Variants in DOCK7 observed in about 807,000 individuals in gnomAD.
The protein encoded by DOCK7 is dedicator of cytokinesis 7, also known as dedicator of cytokinesis protein 7.
In DOCK7, 138 loss-of-function variants were observed where a neutral mutation model predicts 271.0. That is an observed-to-expected ratio of 0.51 (90% CI 0.44 to 0.59). DOCK7 has a LOEUF of 0.59. DOCK7 is among the 20% of genes least tolerant of loss of function. DOCK7 has a pLI of 0.00. For synonymous variants in DOCK7, 823 were observed against 876.1 expected (o/e 0.94, Z 1.07); for missense variants, 2,066 against 2,592.4 (o/e 0.80, Z 4.41).
chr1:62,523,355 C>T (rs574526887), intron 31 of DOCK7, among the ~76,000 whole-genome samples: 1 of 151,928 alleles, frequency 6.6e-6, no homozygotes, highest in Admixed American at 6.5e-5. Flanking sequence ...GCATAATATG[C>T]AATATAAATA....
intron 2 of DOCK7, among the ~76,000 whole-genome samples, chr1:62,656,175 T>C (rs1227782622): frequency 6.6e-6 from 1 of 152,172 alleles, no homozygotes; most frequent in Non-Finnish European, 1.5e-5. Flanking sequence ...TATCACAACA[T>C]ATACAAAAAT....
At chr1:62,636,673 C>T in intron 7 of DOCK7, 70 bp from the exon 8 acceptor site, 3 of 1,300,042 alleles carry the variant, frequency 2.3e-6, no homozygotes, top group Admixed American at 2.3e-5. Context: ...GAAATTGATT[C>T]CAAAACTAAA....
intron 30 of DOCK7, among the ~76,000 whole-genome samples, chr1:62,529,029 T>C (rs1645096978): frequency 6.6e-6 from 1 of 152,190 alleles, no homozygotes; most frequent in Admixed American, 6.6e-5. Context: ...TTTCCTAAAA[T>C]GTAGGTACAG....
rs1653944784 is a variant in DOCK7, at chr1:62,626,283, C to G, written c.1283-882G>C. 2.6e-5 allele frequency among the ~76,000 whole-genome samples: 4 copies of G among 151,950 alleles called. No individual in the cohort carries two copies. In the South Asian group the frequency reaches 8.3e-4, roughly 32 times the overall value. On this transcript the variant is annotated intron_variant, in intron 11 of 49. Coordinates refer to ENST00000635253, the MANE Select transcript of DOCK7 (RefSeq NM_001367561.1). ...ATGTCTATTTTAAAAAGAACTATCT[C>G]AAATCAGTAATATAACCTCAGACTT...
At chr1:62,611,951 C>T (rs1463472894) in intron 14 of DOCK7, among the ~76,000 whole-genome samples, 1 of 151,038 alleles carries the variant, frequency 6.6e-6, no homozygotes, top group Non-Finnish European at 1.5e-5. Context: ...TCGAGACATG[C>T]CTGGCCAACA....
rs755749561 is a variant in DOCK7 at position 62,487,419 on chromosome 1, A to G, written c.5494-7T>C. 2.5e-6 allele frequency: 4 copies of G among 1,610,928 alleles called. No homozygotes were observed. Among genetic ancestry groups the G allele is most frequent in the Non-Finnish European group, 3.4e-6 (4 of 1,177,888 alleles). ...CTACCTCCCAGCCAGTACTCTGTATAATAAAAAGTAAAAAAGGGCAAGTCA... is the reference window on the plus strand; with the variant it reads ...CTACCTCCCAGCCAGTACTCTGTATGATAAAAAGTAAAAAAGGGCAAGTCA... On this transcript the variant is annotated splice_polypyrimidine_tract_variant and splice_region_variant and intron_variant, in intron 42 of 49. Transcript: ENST00000635253.
intron 22 of DOCK7, among the ~76,000 whole-genome samples, chr1:62,545,682 T>C (rs1320840804): frequency 1.3e-5 from 2 of 152,126 alleles, no homozygotes; most frequent in Non-Finnish European, 2.9e-5. Flanking sequence ...AGGAAAAACA[T>C]TATGCTGGGG....
chr1:62,546,794 T>C (rs1645724202), intron 22 of DOCK7, among the ~76,000 whole-genome samples: 1 of 152,202 alleles, frequency 6.6e-6, no homozygotes, highest in South Asian at 2.1e-4. Context: ...ATATTTCGAA[T>C]AAAAGCAAAC....
At chr1:62,493,766 A>G (rs767835494) in intron 40 of DOCK7, among the ~76,000 whole-genome samples, 1 of 152,244 alleles carries the variant, frequency 6.6e-6, no homozygotes, top group Non-Finnish European at 1.5e-5. Context: ...CAGGTTTTGA[A>G]GAAAAGCAAA....
chr1:62,664,296 G>A (rs1188162580), intron 1 of DOCK7, among the ~76,000 whole-genome samples: 2 of 152,174 alleles, frequency 1.3e-5, no homozygotes, highest in African/African-American at 4.8e-5. Flanking sequence ...GACCCTGTGA[G>A]AGAAAACTGA....
At chr1:62,614,525 T>C (rs1652204536) in intron 14 of DOCK7, among the ~76,000 whole-genome samples, 1 of 151,972 alleles carries the variant, frequency 6.6e-6, no homozygotes, top group Non-Finnish European at 1.5e-5. Context: ...AATTCTCTTA[T>C]CCAATTATAC....
chr1:62,659,978 T>C (rs1231676225), intron 2 of DOCK7, among the ~76,000 whole-genome samples: 2 of 152,156 alleles, frequency 1.3e-5, no homozygotes, highest in East Asian at 1.9e-4. Context: ...CATATCACAA[T>C]TATACTTGCA....
chr1:62,553,310 TTTTATATATA>T (rs1356560855), intron 21 of DOCK7, among the ~76,000 whole-genome samples: 10 of 8,170 alleles, frequency 1.2e-3, no homozygotes, highest in African/African-American at 3.2e-3. Flanking sequence ...ATAAAAAGTA[TTTTATATATA>T]TATATATATA....
intron 28 of DOCK7, among the ~76,000 whole-genome samples, chr1:62,536,693 T>A (rs983724811): frequency 5.9e-5 from 9 of 152,178 alleles, no homozygotes; most frequent in Admixed American, 3.3e-4. Context: ...ATATGAGATA[T>A]CACCTACAGA....
chr1:62,548,098 C>G lies in DOCK7; in HGVS notation c.2767-3059G>C, dbSNP rs74669535. On this transcript the variant is annotated intron_variant, in intron 22 of 49. Coordinates refer to ENST00000635253, the MANE Select transcript of DOCK7 (RefSeq NM_001367561.1). The stretch of plus-strand genomic sequence containing the variant: ...GTTAGACATTACAGGTGCCTTGGAA[C>G]AAATATTCCCTGCCACAATGAAGCT... 2.0e-5 allele frequency among the ~76,000 whole-genome samples: 3 copies of G among 151,184 alleles called. 1 individual carries two copies. Among genetic ancestry groups the G allele is most frequent in the Admixed American group, 1.3e-4 (2 of 15,126 alleles).
intron 42 of DOCK7, 52 bp downstream of exon 42, chr1:62,488,882 C>T (rs376665877): frequency 2.2e-5 from 36 of 1,609,340 alleles, no homozygotes; most frequent in Non-Finnish European, 3.0e-5. Flanking sequence ...AACATTAATG[C>T]TTTCAGACAG....
intron 7 of DOCK7, among the ~76,000 whole-genome samples, chr1:62,646,727 T>A (rs1656715532): frequency 6.6e-6 from 1 of 152,184 alleles, no homozygotes; most frequent in Admixed American, 6.5e-5. Context: ...CAGCTACGCA[T>A]TCTATGGTAT....
intron 17 of DOCK7, 152 bp from the exon 18 acceptor site, chr1:62,577,515 C>G (rs959787276): frequency 9.9e-6 from 4 of 403,634 alleles, no homozygotes; most frequent in Non-Finnish European, 1.8e-5. Flanking sequence ...AATAATAGGC[C>G]TTCATAATCC....
intron 2 of DOCK7, among the ~76,000 whole-genome samples, chr1:62,655,555 G>C (rs577677615): frequency 6.6e-6 from 1 of 151,740 alleles, no homozygotes; most frequent in East Asian, 1.9e-4. Context: ...CTCCCAAGTA[G>C]CTGGGATTAC....
Sources: gnomAD v4.1 joint callset for allele counts (sites outside exome capture counted in the v4.1 genomes callset) on GRCh38, gnomAD v4.1.1 for gene constraint, MANE v1.5 for transcripts, NCBI Gene and HGNC (gene_info 2026-07-23, HGNC 2026-07-21) for gene names.